GADL1: variants seen among roughly 807,000 people sequenced by gnomAD.
The protein encoded by GADL1 is acidic amino acid decarboxylase GADL1.
In GADL1, 71 loss-of-function variants were observed where a neutral mutation model predicts 69.5. The observed-to-expected ratio is 1.02, with a 90% CI of 0.84 to 1.25. GADL1 has a LOEUF of 1.25. Ranked by LOEUF, GADL1 falls within the 50% of genes most tolerant of loss-of-function variation. The probability of loss-of-function intolerance (pLI) is 0.00; values close to 1 mark genes in which losing one functional copy is unlikely to be tolerated. For missense variants in GADL1, 737 were observed against 631.8 expected (o/e 1.17, Z -1.79); for synonymous variants, 254 against 214.4 (o/e 1.18, Z -1.62).
intron 8 of GADL1, 79 bp downstream of exon 8, chr3:30,844,131 A>AT: frequency 9.4e-6 from 9 of 958,782 alleles, no homozygotes; most frequent in Non-Finnish European, 1.5e-5. Context: ...TCTCCTTGCT[A>AT]TTCCCTCTCT....
intron 11 of GADL1, among the ~76,000 whole-genome samples, chr3:30,830,109 C>T (rs537905040): frequency 2.6e-4 from 39 of 151,840 alleles, no homozygotes; most frequent in Non-Finnish European, 3.8e-4. Context: ...CTCTGATCTC[C>T]TCTCACCTTT....
chr3:30,846,321 G>A (rs899090727), intron 6 of GADL1, among the ~76,000 whole-genome samples: 4 of 152,092 alleles, frequency 2.6e-5, no homozygotes, highest in African/African-American at 4.8e-5. Context: ...TACAGAAGAC[G>A]AAAAAAACTC....
intron 13 of GADL1, among the ~76,000 whole-genome samples, chr3:30,784,162 C>T (rs753197016): frequency 3.3e-5 from 5 of 152,134 alleles, no homozygotes; most frequent in African/African-American, 4.8e-5. Flanking sequence ...TTTATAATGC[C>T]ATTATGCCTC....
chr3:30,760,796 TTTC>T (rs1696107506), intron 14 of GADL1, among the ~76,000 whole-genome samples: 1 of 152,064 alleles, frequency 6.6e-6, no homozygotes, highest in South Asian at 2.1e-4. Context: ...TCCACATGTT[TTTC>T]TTCAGGTGGG....
chr3:30,766,897 A>T lies in GADL1; in HGVS notation c.1392+11282T>A, dbSNP rs139012975. On this transcript the variant is annotated intron_variant, in intron 14 of 14. Transcript: ENST00000282538. ...AGAGTTGGACTTTAGGAAGTCTATT[A>T]TTGTGATAGTGTTAAGGTATTTTGT... is the stretch of plus-strand genomic sequence containing the variant. Among the ~76,000 whole-genome samples the T allele has an allele frequency of 5.9e-3, 896 of 152,308 alleles. 8 individuals carry two copies. The highest frequency in any genetic ancestry group is 0.021 in the African/African-American group (864 of 41,558).
At chr3:30,766,286 ACT>A (rs1311798790) in intron 14 of GADL1, among the ~76,000 whole-genome samples, 17 of 152,156 alleles carry the variant, frequency 1.1e-4, no homozygotes, top group African/African-American at 3.6e-4. Context: ...TGCTAAATTC[ACT>A]CTCATTAACC....
chr3:30,767,546 G>A (rs985539039), intron 14 of GADL1, among the ~76,000 whole-genome samples: 1 of 152,130 alleles, frequency 6.6e-6, no homozygotes, highest in African/African-American at 2.4e-5. Context: ...AAATGATCAG[G>A]TTAGATTCAT....
intron 14 of GADL1, among the ~76,000 whole-genome samples, chr3:30,749,830 G>A (rs1311440044): frequency 1.3e-5 from 2 of 152,142 alleles, no homozygotes; most frequent in East Asian, 1.9e-4. Flanking sequence ...CTCAGGGACC[G>A]GCAATAAAAC....
intron 11 of GADL1, among the ~76,000 whole-genome samples, chr3:30,813,658 A>G (rs1697403138): frequency 6.6e-6 from 1 of 152,230 alleles, no homozygotes. Context: ...CCTGGAGTAT[A>G]GGTAGGAGAT....
At chr3:30,799,594 A>T (rs940873527) in intron 12 of GADL1, 1 of 152,168 alleles carries the variant, frequency 6.6e-6, no homozygotes, top group Non-Finnish European at 1.5e-5. Flanking sequence ...GAGGATTATC[A>T]TTCAGCTCCT....
chr3:30,846,876 T>C (rs1252071703), intron 6 of GADL1, among the ~76,000 whole-genome samples: 1 of 151,970 alleles, frequency 6.6e-6, no homozygotes, highest in Non-Finnish European at 1.5e-5. Flanking sequence ...GCACCTAGAG[T>C]GCAAAATTTA....
chr3:30,769,671 A>G (rs1696371905), intron 14 of GADL1, among the ~76,000 whole-genome samples: 1 of 152,166 alleles, frequency 6.6e-6, no homozygotes, highest in Non-Finnish European at 1.5e-5. Context: ...AGGAGAAAAC[A>G]CAAGATCAAA....
intron 14 of GADL1, among the ~76,000 whole-genome samples, chr3:30,772,613 A>C (rs1696441562): frequency 1.3e-5 from 2 of 152,190 alleles, no homozygotes; most frequent in African/African-American, 4.8e-5. Flanking sequence ...GCGGTGGCTC[A>C]TGTCTGTAAT....
chr3:30,751,376 C>T (rs80209427), intron 14 of GADL1, among the ~76,000 whole-genome samples: 562 of 152,050 alleles, frequency 3.7e-3, no homozygotes, highest in Non-Finnish European at 6.3e-3. Context: ...TGTGAGTTGT[C>T]TTCGCTCAGT....
intron 6 of GADL1, among the ~76,000 whole-genome samples, chr3:30,848,623 C>CG (rs928238377): frequency 1.3e-4 from 20 of 152,076 alleles, no homozygotes; most frequent in African/African-American, 4.3e-4. Context: ...GTAGAATAGA[C>CG]GGAGGCATCC....
chr3:30,739,162 G>A (rs1334420036), intron 14 of GADL1, among the ~76,000 whole-genome samples: 1 of 152,170 alleles, frequency 6.6e-6, no homozygotes, highest in African/African-American at 2.4e-5. Context: ...CAGAATTACT[G>A]ATTTTATAGT....
chr3:30,742,527 T>A (rs576177138), intron 14 of GADL1, among the ~76,000 whole-genome samples: 1 of 152,200 alleles, frequency 6.6e-6, no homozygotes, highest in East Asian at 1.9e-4. Flanking sequence ...TATTCTTAGG[T>A]TTTATAGATA....
intron 14 of GADL1, among the ~76,000 whole-genome samples, chr3:30,734,075 T>C (rs1695506547): frequency 6.6e-6 from 1 of 152,170 alleles, no homozygotes; most frequent in Non-Finnish European, 1.5e-5. Context: ...AAGTTAGACA[T>C]GTGAGAAAGC....
intron 8 of GADL1, among the ~76,000 whole-genome samples, chr3:30,842,878 T>C (rs1272411815): frequency 2.8e-5 from 3 of 108,008 alleles, no homozygotes; most frequent in African/African-American, 1.0e-4. Flanking sequence ...ACATCTGCAA[T>C]AATGGCAGAA....
Sources: allele counts gnomAD v4.1 joint callset (sites outside exome capture counted in the v4.1 genomes callset), GRCh38; gene constraint gnomAD v4.1.1; transcripts MANE v1.5; gene names NCBI Gene and HGNC (gene_info 2026-07-23, HGNC 2026-07-21).